Variants in RAB3IL1 observed in about 807,000 individuals in gnomAD.
RAB3IL1 encodes the protein guanine nucleotide exchange factor for Rab-3A.
Under a neutral mutation model 49.2 loss-of-function variants are expected in RAB3IL1, and 37 were observed. The ratio of observed to expected loss-of-function variants is 0.75; its 90% CI spans 0.58 to 0.99. RAB3IL1 has a LOEUF of 0.99. RAB3IL1 is among the 50% of genes least tolerant of loss of function. The pLI, the probability that RAB3IL1 is intolerant of heterozygous loss-of-function variation, is 0.00. For synonymous variants in RAB3IL1, 193 were observed against 213.9 expected (o/e 0.90, Z 0.85); for missense variants, 484 against 513.0 (o/e 0.94, Z 0.55).
At chr11:61,910,220 C>T (rs1194634286) in intron 1 of RAB3IL1, among the ~76,000 whole-genome samples, 1 of 152,128 alleles carries the variant, frequency 6.6e-6, no homozygotes, top group Non-Finnish European at 1.5e-5. Flanking sequence ...CAGGTGGGTG[C>T]GGAGTGTGAG....
intron 8 of RAB3IL1, among the ~76,000 whole-genome samples, chr11:61,900,549 G>C (rs1938858417): frequency 6.6e-6 from 1 of 152,224 alleles, no homozygotes; most frequent in Non-Finnish European, 1.5e-5. Flanking sequence ...GGGTTGAGGA[G>C]AGGCTGCGGC....
At chr11:61,921,653 G>A (rs551436520), upstream of RAB3IL1, among the ~76,000 whole-genome samples, 5 of 152,260 alleles carry the variant, frequency 3.3e-5, no homozygotes, top group East Asian at 1.9e-4. Context: ...GGCCCTCTGG[G>A]CAGAGGCTGG....
rs73491239 is a variant in RAB3IL1 at position 61,906,807 on chromosome 11, C to T, written c.439-123G>A. Reference sequence around the variant, plus strand: ...GTGACAGGCACTTAGTCCCACCCGACGCCCTCAGAACAGCCTTCGAGGCAG... The same window carrying T: ...GTGACAGGCACTTAGTCCCACCCGATGCCCTCAGAACAGCCTTCGAGGCAG... On this transcript the variant is annotated intron_variant, in intron 4 of 9. Coordinates refer to ENST00000394836, the MANE Select transcript of RAB3IL1 (RefSeq NM_013401.4). The surrounding 1 kb of genome is among the most constrained non-coding windows in gnomAD (Gnocchi z 4.6). 5.9e-3 allele frequency: 5,423 copies of T among 924,050 alleles called. 174 individuals are homozygous for T. The African/African-American group carries it at 0.073, about 12-fold the overall frequency. 57.2% of individuals were successfully genotyped at this position (924,050 alleles called of 1,614,324 possible).
chr11:61,931,870 A>G, the RAB3IL1 span, among the ~76,000 whole-genome samples: 1 of 152,224 alleles, frequency 6.6e-6, no homozygotes, highest in East Asian at 1.9e-4. Flanking sequence ...TCCTTCAGAA[A>G]GAAAGAAATG....
the RAB3IL1 span, among the ~76,000 whole-genome samples, chr11:61,934,446 G>GTGTATGTGTATGTATGTA: frequency 8.0e-3 from 194 of 24,380 alleles, 7 homozygotes; most frequent in African/African-American, 0.014. Flanking sequence ...GTGTGTGTGT[G>GTGTATGTGTATGTATGTA]TATGTATATA....
the RAB3IL1 span, among the ~76,000 whole-genome samples, chr11:61,928,636 C>A: frequency 6.6e-6 from 1 of 151,776 alleles, no homozygotes; most frequent in African/African-American, 2.4e-5. Flanking sequence ...GAGCTAGGAC[C>A]CTCCAACTAC....
intron 2 of RAB3IL1, 117 bp downstream of exon 2, chr11:61,907,937 C>G (rs892788746): frequency 2.8e-6 from 4 of 1,439,558 alleles, no homozygotes; most frequent in Admixed American, 4.4e-5. Flanking sequence ...CAGCTGGCCT[C>G]GGTGAGGGCA....
At chr11:61,935,121 A>C in the RAB3IL1 span, among the ~76,000 whole-genome samples, 1 of 152,140 alleles carries the variant, frequency 6.6e-6, no homozygotes, top group Non-Finnish European at 1.5e-5. Flanking sequence ...ATGTGTGGGG[A>C]AAAAATAAAC....
intron 5 of RAB3IL1, 122 bp from the exon 6 acceptor site, chr11:61,905,004 G>A (rs1939115341): frequency 6.9e-6 from 5 of 729,712 alleles, no homozygotes; most frequent in South Asian, 3.7e-5. Flanking sequence ...CCAGCAGGTC[G>A]ATCCCCAGCA....
chr11:61,912,165 G>A (rs749522690), intron 1 of RAB3IL1, among the ~76,000 whole-genome samples: 10 of 152,210 alleles, frequency 6.6e-5, no homozygotes, highest in Non-Finnish European at 1.3e-4. Flanking sequence ...CGAAGGAGAC[G>A]GCTGGGAGGG....
At position 61,904,640 on chromosome 11, in the gene RAB3IL1, C is replaced by T; in HGVS notation, c.805G>A (p.Ala269Thr). Residue 269 changes from alanine to threonine, a missense_variant, in exon 7 of 10, where the codon GCC becomes ACC. Coordinates refer to ENST00000394836, the MANE Select transcript of RAB3IL1 (RefSeq NM_013401.4). ...GTGAGCGTGTTGTCCTCCACGGCGG[C>T]CCGTACCAGCACCGAGAGCTGTGGC... is the stretch of plus-strand genomic sequence containing the variant. ...TMQELSVLVR[A>T]AVEDNTLTIE... is the part of the protein sequence containing the mutation. 1 of 1,611,470 alleles carries T rather than the reference C, an allele frequency of 6.2e-7. No homozygotes were observed. Among genetic ancestry groups the T allele is most frequent in the East Asian group, 2.2e-5 (1 of 44,854 alleles).
rs1800537235 is a variant in RAB3IL1, at chr11:61,897,458, C to G, written c.*820G>C. ...GAGGGCCCAGGTCCTGCCTGCCCAC[C>G]CAGGCCCCACATGCCAGGGCGCGTG... On this transcript the variant is annotated 3_prime_UTR_variant, in exon 10 of 10. Coordinates refer to ENST00000394836, the MANE Select transcript of RAB3IL1 (RefSeq NM_013401.4). The G allele has an allele frequency of 6.6e-6, 1 of 152,556 alleles. No homozygotes were observed. The highest frequency in any genetic ancestry group is 6.5e-5 in the Admixed American group (1 of 15,300). The allele number at this position is 152,556 out of a possible 1,614,324, so 9.5% of individuals were successfully genotyped here.
chr11:61,928,933 T>C, the RAB3IL1 span, among the ~76,000 whole-genome samples: 1 of 152,192 alleles, frequency 6.6e-6, no homozygotes, highest in Non-Finnish European at 1.5e-5. Flanking sequence ...GTCTCCTATA[T>C]ATGATATAGA....
Position 61,898,761 on chromosome 11 carries a change from C to A in RAB3IL1, c.1067-401G>T. 2.1e-6 allele frequency: 1 copy of A among 475,184 alleles called. No homozygotes were observed. Among genetic ancestry groups the A allele is most frequent in the Non-Finnish European group, 4.2e-6 (1 of 240,084 alleles). 29.4% of individuals were successfully genotyped at this position (475,184 alleles called of 1,614,324 possible). A position where few individuals can be genotyped will look rare whatever the true frequency, so the allele number is the denominator to read the frequency against. On this transcript the variant is annotated intron_variant, in intron 9 of 9. Coordinates refer to ENST00000394836, the MANE Select transcript of RAB3IL1 (RefSeq NM_013401.4). This position sits in a 1 kb window ranked among gnomAD's most constrained non-coding sequence, Gnocchi z 5.1. Reference sequence around the variant, plus strand: ...CCACAGCGGCCATCCAGGGACCTAGCAGGTGTCAACACCCAGCATGCCTTG... The same window carrying A: ...CCACAGCGGCCATCCAGGGACCTAGAAGGTGTCAACACCCAGCATGCCTTG...
the RAB3IL1 span, among the ~76,000 whole-genome samples, chr11:61,935,960 T>C: frequency 7.3e-5 from 8 of 109,726 alleles, no homozygotes; most frequent in Non-Finnish European, 1.1e-4. Flanking sequence ...AAGAGGAACA[T>C]TTAAAAAAAA....
At chr11:61,914,248 C>A (rs1262284120) in intron 1 of RAB3IL1, among the ~76,000 whole-genome samples, 2 of 152,216 alleles carry the variant, frequency 1.3e-5, no homozygotes, top group African/African-American at 4.8e-5. Flanking sequence ...TACAGCCCTG[C>A]CTGCCGCAAA....
intron 1 of RAB3IL1, among the ~76,000 whole-genome samples, chr11:61,908,590 T>C (rs1939322736): frequency 6.6e-6 from 1 of 152,086 alleles, no homozygotes; most frequent in Non-Finnish European, 1.5e-5. Flanking sequence ...ACACAGTAGG[T>C]GGTCAGCGTC....
At chr11:61,932,870 A>G in the RAB3IL1 span, among the ~76,000 whole-genome samples, 1 of 148,494 alleles carries the variant, frequency 6.7e-6, no homozygotes, top group Non-Finnish European at 1.5e-5. Flanking sequence ...CTCCAGGTTC[A>G]CGCAATTCTC....
chr11:61,936,638 C>T, the RAB3IL1 span, among the ~76,000 whole-genome samples: 2 of 152,140 alleles, frequency 1.3e-5, no homozygotes, highest in African/African-American at 2.4e-5. Context: ...CACCATTCCC[C>T]GCCTGAAGAG....
Sources: allele counts gnomAD v4.1 joint callset (sites outside exome capture counted in the v4.1 genomes callset), GRCh38; gene constraint gnomAD v4.1.1; non-coding constraint Gnocchi (gnomAD v3.1); transcripts MANE v1.5; gene names NCBI Gene and HGNC (gene_info 2026-07-23, HGNC 2026-07-21).